The following TENM3 variants were observed in gnomAD, a reference collection of about 807,000 sequenced individuals.
The protein encoded by TENM3 is teneurin transmembrane protein 3.
Under a neutral mutation model 255.1 loss-of-function variants are expected in TENM3, and 63 were observed. That is an observed-to-expected ratio of 0.25 (90% confidence interval 0.20 to 0.30). The LOEUF is 0.30. Among genes scored for constraint, TENM3 ranks in the 10% least tolerant of loss-of-function variants. TENM3 has a pLI of 1.00. For missense variants in TENM3, 2,929 were observed against 3,461.1 expected, an observed-to-expected ratio of 0.85 and a Z score of 3.86; for synonymous variants, 1,306 against 1,322.3, an observed-to-expected ratio of 0.99 and a Z score of 0.27.
chr4:182,496,096 T>TA (rs1319589418), intron 3 of TENM3, among the ~76,000 whole-genome samples: 1 of 152,196 alleles, frequency 6.6e-6, no homozygotes, highest in African/African-American at 2.4e-5. Flanking sequence ...AGCATTTTCT[T>TA]ATTGCATGAT....
chr4:181,915,832 G>A, the TENM3 span, among the ~76,000 whole-genome samples: 1 of 152,070 alleles, frequency 6.6e-6, no homozygotes, highest in Middle Eastern at 3.2e-3. Context: ...TAAACACCAC[G>A]AGTAACGTGT....
chr4:181,531,302 G>A, the TENM3 span, among the ~76,000 whole-genome samples: 1 of 152,170 alleles, frequency 6.6e-6, no homozygotes, highest in Non-Finnish European at 1.5e-5. Flanking sequence ...AAAGTTGAGT[G>A]CAGGAGTGAA....
chr4:181,616,659 A>AGTCAAAG, the TENM3 span, among the ~76,000 whole-genome samples: 1 of 152,154 alleles, frequency 6.6e-6, no homozygotes, highest in African/African-American at 2.4e-5. Context: ...GATGTAACTC[A>AGTCAAAG]GTCAAAGGCC....
chr4:182,655,297 A>C (rs1753660615), intron 6 of TENM3, among the ~76,000 whole-genome samples: 1 of 152,194 alleles, frequency 6.6e-6, no homozygotes, highest in Non-Finnish European at 1.5e-5. Context: ...ACTTTTTTAC[A>C]GACTGAAGAA....
intron 3 of TENM3, among the ~76,000 whole-genome samples, chr4:182,550,904 G>T (rs529238862): frequency 6.6e-6 from 1 of 152,242 alleles, no homozygotes; most frequent in South Asian, 2.1e-4. Flanking sequence ...AACCAGTTGG[G>T]AGATGATTTA....
At chr4:182,449,255 G>A (rs1161145554) in intron 3 of TENM3, among the ~76,000 whole-genome samples, 2 of 5,264 alleles carry the variant, frequency 3.8e-4, no homozygotes, top group Non-Finnish European at 5.5e-4. Flanking sequence ...TTGTGGTGTC[G>A]GAATGGGAGG....
At chr4:182,404,766 A>G (rs920185320) in intron 3 of TENM3, among the ~76,000 whole-genome samples, 1 of 152,228 alleles carries the variant, frequency 6.6e-6, no homozygotes, top group African/African-American at 2.4e-5. Context: ...GACAACTCTT[A>G]GGAAACCACG....
intron 3 of TENM3, among the ~76,000 whole-genome samples, chr4:182,404,928 C>T (rs1441429524): frequency 2.0e-5 from 3 of 152,194 alleles, no homozygotes; most frequent in Admixed American, 2.0e-4. Context: ...TCGCCGGTCA[C>T]AGCGCTGACT....
chr4:182,146,344 C>T (rs1749965396), intron 1 of TENM3, among the ~76,000 whole-genome samples: 1 of 152,190 alleles, frequency 6.6e-6, no homozygotes, highest in Admixed American at 6.5e-5. Flanking sequence ...ATATTTAATT[C>T]TTGATCTAAG....
At position 182,679,782 on chromosome 4, in the gene TENM3, C is replaced by A. The variant is rs1293691021; in HGVS notation, c.1443C>A (p.Gly481=). 5 of 1,613,800 alleles carry A rather than the reference C, an allele frequency of 3.1e-6. No homozygotes were observed. The highest frequency in any genetic ancestry group is 4.2e-6 in the Non-Finnish European group (5 of 1,179,902). ...QARSVSLHEA[G]FIQYLDSGIW... Reference sequence around the variant, plus strand: ...GATCCGTCAGCCTTCATGAGGCCGGCTTTATCCAGTACTTGGATTCTGGAA... The same window carrying A: ...GATCCGTCAGCCTTCATGAGGCCGGATTTATCCAGTACTTGGATTCTGGAA... Residue 481 remains glycine (G), a synonymous_variant, in exon 8 of 28, where the codon GGC becomes GGA. Transcript: ENST00000511685.
intron 3 of TENM3, among the ~76,000 whole-genome samples, chr4:182,387,547 C>T (rs1195209455): frequency 1.3e-5 from 2 of 152,128 alleles, no homozygotes; most frequent in African/African-American, 2.4e-5. Context: ...CCCTTCCACA[C>T]TAAATTTTGC....
chr4:181,451,862 A>C, the TENM3 span, among the ~76,000 whole-genome samples: 3 of 152,324 alleles, frequency 2.0e-5, no homozygotes, highest in East Asian at 5.8e-4. Context: ...TTTAGATGGC[A>C]ATTGAAGCCA....
At chr4:182,709,557 T>G (rs190973043) in intron 12 of TENM3, among the ~76,000 whole-genome samples, 1 of 152,310 alleles carries the variant, frequency 6.6e-6, no homozygotes, top group Admixed American at 6.5e-5. Context: ...TTTTTTTATT[T>G]CCTATTGTGG....
At chr4:181,951,253 T>C in the TENM3 span, among the ~76,000 whole-genome samples, 1 of 152,190 alleles carries the variant, frequency 6.6e-6, no homozygotes, top group African/African-American at 2.4e-5. Context: ...CACTCCAAGT[T>C]CATTGAACAA....
intron 5 of TENM3, among the ~76,000 whole-genome samples, chr4:182,636,313 T>C (rs760072501): frequency 7.2e-5 from 11 of 152,214 alleles, no homozygotes; most frequent in Non-Finnish European, 1.5e-4. Flanking sequence ...TAAGCCTGAT[T>C]CAATGGTGAT....
intron 1 of TENM3, among the ~76,000 whole-genome samples, chr4:182,323,722 C>A (rs899069455): frequency 6.6e-6 from 1 of 152,050 alleles, no homozygotes; most frequent in African/African-American, 2.4e-5. Flanking sequence ...GATACAGTAG[C>A]TTCAATAAAC....
intron 3 of TENM3, among the ~76,000 whole-genome samples, chr4:182,453,631 G>A (rs1376831547): frequency 2.0e-5 from 3 of 152,056 alleles, no homozygotes; most frequent in Admixed American, 6.6e-5. Flanking sequence ...AAATTAAAAC[G>A]ATGTGTGGAA....
At chr4:182,623,597 T>C (rs1750512776) in intron 4 of TENM3, among the ~76,000 whole-genome samples, 1 of 152,164 alleles carries the variant, frequency 6.6e-6, no homozygotes, top group African/African-American at 2.4e-5. Flanking sequence ...TCCAAAGTGC[T>C]GGGATTACAG....
chr4:182,530,553 G>T (rs1405120891), intron 3 of TENM3, among the ~76,000 whole-genome samples: 2 of 152,060 alleles, frequency 1.3e-5, no homozygotes, highest in East Asian at 3.9e-4. Context: ...TTTATTGTGG[G>T]GCTGTGCTGT....
Sources: allele counts gnomAD v4.1 joint callset (sites outside exome capture counted in the v4.1 genomes callset), GRCh38; gene constraint gnomAD v4.1.1; transcripts MANE v1.5; gene names NCBI Gene and HGNC (gene_info 2026-07-23, HGNC 2026-07-21).